LARP4B: variants seen among roughly 807,000 people sequenced by gnomAD.
LARP4B encodes La ribonucleoprotein 4B.
Under a neutral mutation model 89.8 loss-of-function variants are expected in LARP4B, and 12 were observed. The ratio of observed to expected loss-of-function variants is 0.13; its 90% CI spans 0.09 to 0.22. The LOEUF (loss-of-function observed/expected upper bound fraction) is 0.22. Among genes scored for constraint, LARP4B ranks in the 10% least tolerant of loss-of-function variants. The pLI is 1.00. For missense variants in LARP4B, 757 were observed against 947.7 expected (o/e 0.80, Z 2.64); for synonymous variants, 367 against 363.3 (o/e 1.01, Z -0.12).
chr10:926,955 G>A (rs1261564189), intron 1 of LARP4B, among the ~76,000 whole-genome samples: 3 of 151,638 alleles, frequency 2.0e-5, no homozygotes, highest in African/African-American at 7.3e-5. Flanking sequence ...CAGGGGAATC[G>A]CTTAAACCCT....
At chr10:963,493 G>C in the LARP4B span, among the ~76,000 whole-genome samples, 14 of 152,304 alleles carry the variant, frequency 9.2e-5, no homozygotes, top group South Asian at 1.9e-3. Flanking sequence ...TCTCCTGGGG[G>C]CTTTTGGATA....
chr10:896,986 GA>G (rs1588972150), intron 1 of LARP4B, among the ~76,000 whole-genome samples: 1 of 137,128 alleles, frequency 7.3e-6, no homozygotes. Context: ...TTTTGTGGGA[GA>G]ATTTTTTTTT....
intron 1 of LARP4B, among the ~76,000 whole-genome samples, chr10:898,125 CA>C (rs1181707001): frequency 6.7e-6 from 1 of 150,292 alleles, no homozygotes; most frequent in East Asian, 1.9e-4. Flanking sequence ...AATCAAAACA[CA>C]AAATACCACT....
In LARP4B at chr10:836,413, G is replaced by T; in HGVS notation, c.740C>A (p.Thr247Asn). 1 of 1,603,302 alleles carries T rather than the reference G, an allele frequency of 6.2e-7. No individual in the cohort carries two copies. The highest frequency in any genetic ancestry group is 8.5e-7 in the Non-Finnish European group (1 of 1,171,444). ...GGAGAAATTACTTACTTCCACGGGG[G>T]TAGATTCAGATATTTCACGCAATAT... Reference protein sequence around the residue: ...IVILREISESTPVEEVEALFK... With the variant: ...IVILREISESNPVEEVEALFK... Residue 247 changes from threonine (T) to asparagine (N), a missense_variant, in exon 8 of 18, where the codon ACC becomes AAC. Around this residue, in one of 5 missense-constraint regions of LARP4B, gnomAD observed 137 missense variants for 213.9 expected, o/e 0.64. Transcript: ENST00000316157.
chr10:828,377 T>C (rs748967992), intron 11 of LARP4B, among the ~76,000 whole-genome samples: 2 of 152,244 alleles, frequency 1.3e-5, no homozygotes, highest in Non-Finnish European at 2.9e-5. Context: ...ACGTGTCTCC[T>C]TGGCATGTTT....
At chr10:855,126 G>A (rs1588915694) in intron 5 of LARP4B, among the ~76,000 whole-genome samples, 1 of 152,144 alleles carries the variant, frequency 6.6e-6, no homozygotes, top group African/African-American at 2.4e-5. Flanking sequence ...TTGGCTTAAG[G>A]GAATAATTGT....
intron 1 of LARP4B, among the ~76,000 whole-genome samples, chr10:898,595 C>T (rs558586128): frequency 6.6e-6 from 1 of 152,234 alleles, no homozygotes; most frequent in Admixed American, 6.5e-5. Flanking sequence ...TTGATAATTT[C>T]TAAGAAAATC....
the LARP4B span, among the ~76,000 whole-genome samples, chr10:973,653 T>G: frequency 6.6e-6 from 1 of 152,102 alleles, no homozygotes; most frequent in Non-Finnish European, 1.5e-5. Context: ...GCCTGGCCTG[T>G]TGAACTTTTA....
intron 1 of LARP4B, among the ~76,000 whole-genome samples, chr10:907,179 C>G (rs1317130224): frequency 6.6e-6 from 1 of 152,220 alleles, no homozygotes. Context: ...AGAAATATGT[C>G]TACCCTGTTC....
At chr10:863,129 T>TCC (rs1000304105) in intron 5 of LARP4B, among the ~76,000 whole-genome samples, 1 of 151,810 alleles carries the variant, frequency 6.6e-6, no homozygotes, top group African/African-American at 2.4e-5. Context: ...TCCCTCTCTA[T>TCC]CCCCCTCCCT....
At chr10:884,077 A>C (rs1048985209) in intron 3 of LARP4B, among the ~76,000 whole-genome samples, 1 of 152,228 alleles carries the variant, frequency 6.6e-6, no homozygotes, top group Non-Finnish European at 1.5e-5. Flanking sequence ...TCTGAGTAAA[A>C]GCTTACTATT....
At chr10:827,042 AG>A (rs539938654) in intron 11 of LARP4B, among the ~76,000 whole-genome samples, 28 of 152,164 alleles carry the variant, frequency 1.8e-4, no homozygotes, top group South Asian at 1.7e-3. Context: ...TGGGAGGCCA[AG>A]GGGGGGCGGA....
intron 1 of LARP4B, among the ~76,000 whole-genome samples, chr10:922,044 T>G (rs545949210): frequency 1.7e-4 from 26 of 152,008 alleles, no homozygotes; most frequent in Non-Finnish European, 2.6e-4. Context: ...ACAGGTTTCA[T>G]GCAAGACAAT....
rs1223870701 is a variant in LARP4B at position 811,788 on chromosome 10, A to G, written c.*1138T>C. Reference sequence around the variant, plus strand: ...GCTGCTTAGAATAAAGAAAAATTTGAGGCATTTTAAAACAAAATAATTTAT... The same window carrying G: ...GCTGCTTAGAATAAAGAAAAATTTGGGGCATTTTAAAACAAAATAATTTAT... On this transcript the variant is annotated 3_prime_UTR_variant, in exon 18 of 18. Coordinates refer to ENST00000316157, the MANE Select transcript of LARP4B (RefSeq NM_015155.3). 6.6e-6 allele frequency: 1 copy of G among 152,654 alleles called. No homozygotes were observed. Among genetic ancestry groups the G allele is most frequent in the Non-Finnish European group, 1.5e-5 (1 of 68,050 alleles). The allele number at this position is 152,654 out of a possible 1,614,324, so 9.5% of individuals were successfully genotyped here.
intron 15 of LARP4B, 101 bp from the exon 16 acceptor site, chr10:815,171 G>A: frequency 7.3e-7 from 1 of 1,363,876 alleles, no homozygotes; most frequent in Non-Finnish European, 9.8e-7. Flanking sequence ...TGGGAGAGCA[G>A]CACAAGGACA....
Position 817,838 on chromosome 10 carries a change from C to G in LARP4B, c.1582G>C (p.Glu528Gln), listed in dbSNP as rs1832143312. The change falls in exon 15 of 18, where the codon GAG becomes CAG. Residue 528 changes from glutamate (E) to glutamine (Q), a missense_variant. By Grantham distance (29) the Glu-to-Gln change is conservative. This residue lies in a region of LARP4B where 387 missense variants were observed against 423.6 expected (regional missense o/e 0.91). Transcript: ENST00000316157. ...TPPKPPSPSF[E>Q]LGLSSFPPLP... ...GGAGGGAAGCTGGACAGCCCCAGCT[C>G]GAAGCTTGGCGACGGAGGCTTTGGT... is the stretch of plus-strand genomic sequence containing the variant. The G allele has an allele frequency of 1.2e-6, 2 of 1,613,984 alleles. No homozygotes were observed. The highest frequency in any genetic ancestry group is 3.3e-5 in the Admixed American group (2 of 60,004).
intron 5 of LARP4B, among the ~76,000 whole-genome samples, chr10:858,309 CT>C (rs1336737379): frequency 6.6e-6 from 1 of 152,124 alleles, no homozygotes; most frequent in Admixed American, 6.5e-5. Flanking sequence ...AAAGGGCAGT[CT>C]TTTCAATAAA....
chr10:978,046 G>A, the LARP4B span, among the ~76,000 whole-genome samples: 1 of 152,276 alleles, frequency 6.6e-6, no homozygotes, highest in East Asian at 1.9e-4. Context: ...TAATGGGGCT[G>A]AAGAATGAGG....
At chr10:897,158 A>C (rs1836210991) in intron 1 of LARP4B, among the ~76,000 whole-genome samples, 1 of 152,214 alleles carries the variant, frequency 6.6e-6, no homozygotes, top group South Asian at 2.1e-4. Context: ...TCAAGCCAGC[A>C]TGGTACTGGC....
Sources: allele counts gnomAD v4.1 joint callset (sites outside exome capture counted in the v4.1 genomes callset), GRCh38; gene constraint gnomAD v4.1.1; regional missense constraint gnomAD v4.1.1; transcripts MANE v1.5; gene names NCBI Gene and HGNC (gene_info 2026-07-23, HGNC 2026-07-21).